The following ESRRG variants were observed in gnomAD, a reference collection of about 807,000 sequenced individuals.
The protein encoded by ESRRG is estrogen related receptor gamma.
ESRRG carries 13 observed loss-of-function variants against 44.0 expected under a neutral mutation model. The observed-to-expected ratio is 0.30, with a 90% CI of 0.19 to 0.47. The LOEUF (loss-of-function observed/expected upper bound fraction) is 0.47. Among genes scored for constraint, ESRRG ranks in the 20% least tolerant of loss-of-function variants. The probability of loss-of-function intolerance (pLI) is 1.00; values close to 1 mark genes in which losing one functional copy is unlikely to be tolerated. For synonymous variants in ESRRG, 215 were observed against 214.6 expected, an observed-to-expected ratio of 1.00 and a Z score of -0.02; for missense variants, 395 against 580.6, an observed-to-expected ratio of 0.68 and a Z score of 3.29.
intron 2 of ESRRG, among the ~76,000 whole-genome samples, chr1:216,835,667 G>A (rs1275346445): frequency 6.6e-6 from 1 of 152,200 alleles, no homozygotes; most frequent in African/African-American, 2.4e-5. Context: ...AGAGAGGAGA[G>A]AAGATGCCTA....
chr1:217,043,622 A>G (rs543864582), intron 1 of ESRRG, among the ~76,000 whole-genome samples: 1 of 147,136 alleles, frequency 6.8e-6, no homozygotes, highest in East Asian at 2.0e-4. Context: ...CATTGAGCCA[A>G]CTTCTCAGGA....
chr1:216,682,389 G>T (rs886946137), intron 1 of ESRRG, among the ~76,000 whole-genome samples: 2 of 152,156 alleles, frequency 1.3e-5, no homozygotes, highest in Non-Finnish European at 2.9e-5. Flanking sequence ...GGCCTGGAAA[G>T]GTAATCATCA....
At chr1:216,577,787 G>T (rs984087848) in intron 3 of ESRRG, among the ~76,000 whole-genome samples, 2 of 151,834 alleles carry the variant, frequency 1.3e-5, no homozygotes, top group East Asian at 3.9e-4. Context: ...TAAAAAAAAA[G>T]GAAATAGATG....
chr1:217,122,955 G>T (rs1463413224), intron 1 of ESRRG, among the ~76,000 whole-genome samples: 1 of 151,976 alleles, frequency 6.6e-6, no homozygotes, highest in Non-Finnish European at 1.5e-5. Context: ...GCCTCCCAAA[G>T]TGCTGAGATT....
At chr1:217,109,848 A>G (rs2092641280) in intron 1 of ESRRG, among the ~76,000 whole-genome samples, 1 of 152,234 alleles carries the variant, frequency 6.6e-6, no homozygotes, top group Non-Finnish European at 1.5e-5. Context: ...CAAAATGGCC[A>G]CAGTTCATAT....
At chr1:217,042,239 C>T (rs1375025450) in intron 1 of ESRRG, among the ~76,000 whole-genome samples, 1 of 152,150 alleles carries the variant, frequency 6.6e-6, no homozygotes, top group Non-Finnish European at 1.5e-5. Context: ...ATAGAGAAAG[C>T]ATTTTATCCA....
At chr1:216,539,477 T>G (rs2052028560) in intron 5 of ESRRG, among the ~76,000 whole-genome samples, 1 of 151,960 alleles carries the variant, frequency 6.6e-6, no homozygotes, top group Non-Finnish European at 1.5e-5. Flanking sequence ...TCAGCCACCC[T>G]CCCTGACCCT....
At chr1:216,973,021 C>T (rs1433658390) in intron 1 of ESRRG, among the ~76,000 whole-genome samples, 1 of 152,158 alleles carries the variant, frequency 6.6e-6, no homozygotes, top group African/African-American at 2.4e-5. Context: ...CACTTCTCCC[C>T]ACCTCCATGT....
rs540560012 is a variant in ESRRG, at chr1:216,696,060, A to G, written c.57-18569T>C. Among the ~76,000 whole-genome samples, 3 of 152,288 alleles carry G rather than the reference A, an allele frequency of 2.0e-5. No homozygotes were observed. In the East Asian group the frequency reaches 5.8e-4, roughly 29 times the overall value. Reference sequence around the variant, plus strand: ...CAGTGTATGGTGAATTCTCAAAATAATGTTCTTAAGAAATACTGATATAAT... The same window carrying G: ...CAGTGTATGGTGAATTCTCAAAATAGTGTTCTTAAGAAATACTGATATAAT... On this transcript the variant is annotated intron_variant, in intron 1 of 6. Coordinates refer to ENST00000408911, the MANE Select transcript of ESRRG (RefSeq NM_001438.4).
intron 1 of ESRRG, among the ~76,000 whole-genome samples, chr1:216,975,118 C>T (rs1278710664): frequency 6.6e-6 from 1 of 152,084 alleles, no homozygotes; most frequent in Admixed American, 6.6e-5. Context: ...AGCCAGTTAA[C>T]GTTGTTATTA....
In ESRRG at chr1:217,081,221, C is replaced by CTTTTTTTTTTTTT. The variant is rs143325476; in HGVS notation, c.-106+8273_-106+8285dup. On this transcript the variant is annotated intron_variant, in intron 1 of 7. Coordinates refer to the ESRRG transcript ENST00000359162. ...TCAGTGAATTATAGATAAAAATATT[C>CTTTTTTTTTTTTT]TTTTTTTTTTTTTTTTTTTTTTTGA... 3.6e-4 allele frequency among the ~76,000 whole-genome samples: 25 copies of CTTTTTTTTTTTTT among 70,416 alleles called. 3 individuals carry two copies. Among genetic ancestry groups the CTTTTTTTTTTTTT allele is most frequent in the African/African-American group, 4.2e-4 (7 of 16,608 alleles). 46.2% of individuals were successfully genotyped at this position (70,416 alleles called of 152,430 possible). A position where few individuals can be genotyped will look rare whatever the true frequency, so the allele number is the denominator to read the frequency against.
chr1:216,727,457 G>T (rs1261417354), upstream of ESRRG, among the ~76,000 whole-genome samples: 3 of 152,144 alleles, frequency 2.0e-5, no homozygotes, highest in Non-Finnish European at 2.9e-5. Flanking sequence ...TGGGTAGGTT[G>T]CCTCACTTAT....
At chr1:216,608,747 G>A (rs976513889) in intron 3 of ESRRG, among the ~76,000 whole-genome samples, 4 of 152,132 alleles carry the variant, frequency 2.6e-5, no homozygotes, top group African/African-American at 9.7e-5. Flanking sequence ...GGGGATCTAA[G>A]CTCATTTAAA....
intron 3 of ESRRG, among the ~76,000 whole-genome samples, chr1:216,622,608 T>TCACACACACACACA (rs769882782): frequency 6.5e-4 from 89 of 136,946 alleles, no homozygotes; most frequent in Non-Finnish European, 1.2e-3. Context: ...CAAATGAAAA[T>TCACACACACACACA]TACACACACG....
chr1:216,869,406 T>C (rs964838846), intron 2 of ESRRG, among the ~76,000 whole-genome samples: 39 of 152,134 alleles, frequency 2.6e-4, no homozygotes, highest in Admixed American at 5.2e-4. Flanking sequence ...TTGAGGTCTA[T>C]TGGTAATTGT....
chr1:216,698,685 A>G (rs150564551), intron 1 of ESRRG, among the ~76,000 whole-genome samples: 1 of 152,126 alleles, frequency 6.6e-6, no homozygotes, highest in Non-Finnish European at 1.5e-5. Context: ...AAAAAACAAT[A>G]TGATGGTTTC....
intron 2 of ESRRG, among the ~76,000 whole-genome samples, chr1:216,800,450 G>A (rs907521824): frequency 5.3e-5 from 8 of 152,102 alleles, no homozygotes; most frequent in African/African-American, 7.2e-5. Context: ...ACATAAGACC[G>A]CTTAAGAAAC....
At chr1:217,052,490 C>T (rs1456631430) in intron 1 of ESRRG, among the ~76,000 whole-genome samples, 1 of 152,200 alleles carries the variant, frequency 6.6e-6, no homozygotes, top group Non-Finnish European at 1.5e-5. Context: ...CCACATATTA[C>T]ATTCAGGTTA....
At chr1:216,532,347 G>A (rs2049628993) in intron 5 of ESRRG, among the ~76,000 whole-genome samples, 1 of 152,168 alleles carries the variant, frequency 6.6e-6, no homozygotes, top group African/African-American at 2.4e-5. Context: ...CGGGGATCAA[G>A]CCGCTGCTTG....
Sources: gnomAD v4.1 joint callset for allele counts (sites outside exome capture counted in the v4.1 genomes callset) on GRCh38, gnomAD v4.1.1 for gene constraint, MANE v1.5 for transcripts, NCBI Gene and HGNC (gene_info 2026-07-23, HGNC 2026-07-21) for gene names.